Variants in PDIA6 observed in about 807,000 individuals in gnomAD.
PDIA6 encodes protein disulfide-isomerase A6.
PDIA6 carries 29 observed loss-of-function variants against 58.4 expected under a neutral mutation model. The ratio of observed to expected loss-of-function variants is 0.50; its 90% CI spans 0.37 to 0.68. PDIA6 has a LOEUF of 0.68. Among genes scored for constraint, PDIA6 ranks in the 30% least tolerant of loss-of-function variants. The pLI is 0.00. For synonymous variants in PDIA6, 192 were observed against 202.6 expected (o/e 0.95, Z 0.44); for missense variants, 480 against 551.0 (o/e 0.87, Z 1.29).
intron 1 of PDIA6, among the ~76,000 whole-genome samples, chr2:10,812,320 C>A (rs1490770496): frequency 2.8e-5 from 4 of 141,076 alleles, no homozygotes; most frequent in Non-Finnish European, 6.4e-5. Flanking sequence ...GAGAAGAGCC[C>A]GGAACAAGCT....
rs1558460295 is a variant in PDIA6, at chr2:10,818,484, TTATTTATTTATTTA to T, written c.34+776_34+789del. On this transcript the variant is annotated intron_variant, in intron 2 of 13. Transcript: ENST00000381611. ...GCCCAGCTCACTTTAACCATTTAAT[TTATTTATTTATTTA>T]TTTATTTATTTATTTATTTATTTAT... Among the ~76,000 whole-genome samples the T allele has an allele frequency of 6.0e-4, 35 of 58,802 alleles. 2 individuals carry two copies. The highest frequency in any genetic ancestry group is 1.5e-3 in the East Asian group (3 of 2,008). 38.6% of individuals were successfully genotyped at this position (58,802 alleles called of 152,430 possible).
intron 11 of PDIA6, among the ~76,000 whole-genome samples, chr2:10,787,078 G>A (rs1005125306): frequency 1.3e-5 from 2 of 152,102 alleles, no homozygotes; most frequent in African/African-American, 2.4e-5. Context: ...TCCTCATCCC[G>A]CAAGCAGAGT....
At chr2:10,829,098 C>T (rs1467660716) in intron 1 of PDIA6, among the ~76,000 whole-genome samples, 1 of 152,220 alleles carries the variant, frequency 6.6e-6, no homozygotes, top group Non-Finnish European at 1.5e-5. Flanking sequence ...TTCTCATTCC[C>T]CAAGAGAGAA....
At chr2:10,812,627 CT>C in intron 1 of PDIA6, 50 bp downstream of exon 1, 1 of 1,494,968 alleles carries the variant, frequency 6.7e-7, no homozygotes, top group Non-Finnish European at 8.9e-7. Context: ...GATTCGAAAC[CT>C]TTCAGGCCGA....
chr2:10,834,732 C>CTCCT (rs869156704), upstream of PDIA6, among the ~76,000 whole-genome samples: 159 of 36,400 alleles, frequency 4.4e-3, 5 homozygotes, highest in East Asian at 0.012. Flanking sequence ...CCTTCCTTCC[C>CTCCT]TCCTTCCTTC....
At chr2:10,818,478 T>TTTAATTAA (rs749599433) in intron 2 of PDIA6, among the ~76,000 whole-genome samples, 2 of 120,948 alleles carry the variant, frequency 1.7e-5, no homozygotes, top group African/African-American at 2.8e-5. Context: ...ACTTTAACCA[T>TTTAATTAA]TTAATTTATT....
chr2:10,800,585 T>C (rs923898323), intron 2 of PDIA6, among the ~76,000 whole-genome samples: 1 of 147,236 alleles, frequency 6.8e-6, no homozygotes, highest in Non-Finnish European at 1.5e-5. Flanking sequence ...TTTTGATTTT[T>C]TTTTTTAAAG....
intron 1 of PDIA6, among the ~76,000 whole-genome samples, chr2:10,826,518 C>G (rs890750268): frequency 5.3e-5 from 8 of 152,152 alleles, no homozygotes; most frequent in African/African-American, 1.9e-4. Flanking sequence ...TGCCACCACA[C>G]CCGGCTAATT....
chr2:10,837,018 C>T (rs574780282), upstream of PDIA6, among the ~76,000 whole-genome samples: 1 of 152,258 alleles, frequency 6.6e-6, no homozygotes, highest in East Asian at 1.9e-4. Flanking sequence ...TGATACTTGT[C>T]CCACTTACAG....
chr2:10,810,029 T>C (rs999657496), intron 1 of PDIA6, among the ~76,000 whole-genome samples: 1 of 152,198 alleles, frequency 6.6e-6, no homozygotes, highest in Non-Finnish European at 1.5e-5. Flanking sequence ...TCTGGGAGTA[T>C]GGCTAACATT....
chr2:10,788,277 A>T (rs993293501), intron 10 of PDIA6, among the ~76,000 whole-genome samples: 5 of 152,120 alleles, frequency 3.3e-5, no homozygotes, highest in Non-Finnish European at 7.4e-5. Context: ...CATGATTCCT[A>T]TGAGAAAAAT....
At chr2:10,833,692 C>T (rs553084283), upstream of PDIA6, among the ~76,000 whole-genome samples, 14 of 152,328 alleles carry the variant, frequency 9.2e-5, no homozygotes, top group Admixed American at 5.2e-4. Context: ...TTGGAACTCC[C>T]GGAGGCAGGG....
chr2:10,812,661 C>T lies in PDIA6; in HGVS notation c.19+17G>A, dbSNP rs945327101. The T allele has an allele frequency of 1.3e-6, 2 of 1,529,898 alleles. No individual in the cohort carries two copies. The highest frequency in any genetic ancestry group is 1.8e-6 in the Non-Finnish European group (2 of 1,139,770). 94.8% of individuals were successfully genotyped at this position (1,529,898 alleles called of 1,614,324 possible). On this transcript the variant is annotated intron_variant, in intron 1 of 12. Coordinates refer to ENST00000272227, the MANE Select transcript of PDIA6 (RefSeq NM_005742.4). ...CGACCCCAGCTCGCCCGCCTCCCTCCGCTGGCCCGCACCTACCGAGCACCA... is the reference window on the plus strand; with the variant it reads ...CGACCCCAGCTCGCCCGCCTCCCTCTGCTGGCCCGCACCTACCGAGCACCA...
At chr2:10,821,716 C>T (rs1667400544) in intron 1 of PDIA6, among the ~76,000 whole-genome samples, 1 of 152,010 alleles carries the variant, frequency 6.6e-6, no homozygotes, top group South Asian at 2.1e-4. Flanking sequence ...CCTTGACCCC[C>T]TAGGCTCAAG....
intron 1 of PDIA6, among the ~76,000 whole-genome samples, chr2:10,830,193 C>G (rs1217514680): frequency 6.6e-6 from 1 of 152,200 alleles, no homozygotes; most frequent in Non-Finnish European, 1.5e-5. Flanking sequence ...AGTGTGGGTG[C>G]GCAGCTTCAA....
At chr2:10,793,329 T>C (rs1666123651) in intron 4 of PDIA6, 127 bp from the exon 5 acceptor site, 2 of 630,854 alleles carry the variant, frequency 3.2e-6, no homozygotes, top group Admixed American at 2.6e-5. Context: ...CTGACACGTG[T>C]ATCTCTGACA....
upstream of PDIA6, chr2:10,812,862 G>A (rs1280899519): frequency 1.4e-5 from 16 of 1,161,626 alleles, no homozygotes; most frequent in Non-Finnish European, 1.7e-5. Flanking sequence ...CCGTGGCTGC[G>A]GCTCATTGGT....
intron 11 of PDIA6, among the ~76,000 whole-genome samples, chr2:10,786,892 G>A (rs1665788195): frequency 6.6e-6 from 1 of 152,152 alleles, no homozygotes; most frequent in Non-Finnish European, 1.5e-5. Flanking sequence ...CCAAAGCCAA[G>A]TGCCCAGAAA....
upstream of PDIA6, among the ~76,000 whole-genome samples, chr2:10,814,012 ACCACG>A: frequency 6.6e-6 from 1 of 152,360 alleles, no homozygotes; most frequent in East Asian, 1.9e-4. Flanking sequence ...GTTGTGAGCC[ACCACG>A]CCCGACCTAA....
Sources: allele counts gnomAD v4.1 joint callset (sites outside exome capture counted in the v4.1 genomes callset), GRCh38; gene constraint gnomAD v4.1.1; transcripts MANE v1.5; gene names NCBI Gene and HGNC (gene_info 2026-07-23, HGNC 2026-07-21).